Variants in ADAMTS7 observed in about 807,000 individuals in gnomAD.
ADAMTS7 encodes the protein A disintegrin and metalloproteinase with thrombospondin motifs 7.
In ADAMTS7, 89 loss-of-function variants were observed where a neutral mutation model predicts 172.6. The ratio of observed to expected loss-of-function variants is 0.52; its 90% CI spans 0.43 to 0.61. The LOEUF is 0.61. Among genes scored for constraint, ADAMTS7 ranks in the 20% least tolerant of loss-of-function variants. The pLI, the probability that ADAMTS7 is intolerant of heterozygous loss-of-function variation, is 0.00. For missense variants in ADAMTS7, 1,973 were observed against 2,355.6 expected, an observed-to-expected ratio of 0.84 and a Z score of 3.36; for synonymous variants, 885 against 978.4, an observed-to-expected ratio of 0.90 and a Z score of 1.78.
At position 78,796,699 on chromosome 15, in the gene ADAMTS7, G is replaced by C. The variant is rs373605289; in HGVS notation, c.710C>G (p.Ser237Trp). 5 of 1,613,598 alleles carry C rather than the reference G, an allele frequency of 3.1e-6. No individual in the cohort carries two copies. The highest frequency in any genetic ancestry group is 2.7e-5 in the African/African-American group (2 of 74,930). Residue 237 changes from serine (S) to tryptophan (W), a missense_variant, in exon 4 of 24, where the codon TCG (serine) becomes TGG (tryptophan). Around this residue, in one of 8 missense-constraint regions of ADAMTS7, gnomAD observed 526 missense variants for 662.9 expected, o/e 0.79. Transcript: ENST00000388820. ...RPRLRRLHQR[S>W]VSKEKWVETL... Reference sequence around the variant, plus strand: ...CTCCACCCACTTCTCTTTGCTGACCGACCGCTGGTGTAGACGCCTCAGCCG... The same window carrying C: ...CTCCACCCACTTCTCTTTGCTGACCCACCGCTGGTGTAGACGCCTCAGCCG...
intron 1 of ADAMTS7, among the ~76,000 whole-genome samples, chr15:78,801,551 T>C (rs2055725954): frequency 6.6e-6 from 1 of 152,200 alleles, no homozygotes; most frequent in South Asian, 2.1e-4. Flanking sequence ...CCCCCTTCCT[T>C]GCTTTATTTT....
chr15:78,777,386 C>G, intron 9 of ADAMTS7, 58 bp downstream of exon 9: 1 of 1,567,188 alleles, frequency 6.4e-7, no homozygotes, highest in Non-Finnish European at 8.6e-7. Flanking sequence ...GTGAGAGCTG[C>G]CCCCTGAGCC....
At position 78,811,298 on chromosome 15, in the gene ADAMTS7, G is replaced by C; in HGVS notation, c.-78C>G. 1.6e-6 allele frequency: 2 copies of C among 1,217,270 alleles called. No individual in the cohort carries two copies. Among genetic ancestry groups the C allele is most frequent in the Non-Finnish European group, 2.0e-6 (2 of 978,606 alleles). The allele number at this position is 1,217,270 out of a possible 1,614,324, so 75.4% of individuals were successfully genotyped here. On this transcript the variant is annotated 5_prime_UTR_variant, in exon 1 of 24. Transcript: ENST00000388820. Reference sequence around the variant, plus strand: ...CCGTCCGGTCGCTGCCTGGTCCCAGGTCCGGCTCAGGACATGCCCGGCCGG... The same window carrying C: ...CCGTCCGGTCGCTGCCTGGTCCCAGCTCCGGCTCAGGACATGCCCGGCCGG...
In ADAMTS7 at chr15:78,763,574, G is replaced by A. The variant is rs571588072; in HGVS notation, c.4740+125C>T. On this transcript the variant is annotated intron_variant, in intron 22 of 23. Transcript: ENST00000388820. ...GTGAGCACCAGCCGGGCGGGGCCTC[G>A]TCCAGTGACAGGGCCACAAAGAGCC... is the stretch of plus-strand genomic sequence containing the variant. 1.2e-4 allele frequency: 159 copies of A among 1,293,996 alleles called. No homozygotes were observed. The African/African-American group carries it at 2.0e-3, about 16-fold the overall frequency. 80.2% of individuals were successfully genotyped at this position (1,293,996 alleles called of 1,614,324 possible). A position where few individuals can be genotyped will look rare whatever the true frequency, so the allele number is the denominator to read the frequency against.
chr15:78,805,170 A>C (rs1466254626), intron 1 of ADAMTS7, among the ~76,000 whole-genome samples: 1 of 152,220 alleles, frequency 6.6e-6, no homozygotes, highest in Non-Finnish European at 1.5e-5. Flanking sequence ...AAGCCACCGG[A>C]CTGGATGATT....
At position 78,763,933 on chromosome 15, in the gene ADAMTS7, C is replaced by T. The variant is rs2055093416; in HGVS notation, c.4586G>A (p.Trp1529Ter). ...TCAACGGCCAGGCCTCACCTCCCTC[C>T]AGGAAGATGTGTACCAGCTGAGGCA... ...QPCLSWYTSS[W>*]RECSEACGGG... The change falls in exon 21 of 24, where the codon TGG becomes TAG. Residue 1529 changes from tryptophan (W) to a stop codon, truncating the protein, a stop_gained. Coordinates refer to ENST00000388820, the MANE Select transcript of ADAMTS7 (RefSeq NM_014272.5). LOFTEE classifies it high-confidence loss of function. 6.5e-7 allele frequency: 1 copy of T among 1,548,488 alleles called. No individual in the cohort carries two copies. The highest frequency in any genetic ancestry group is 1.4e-5 in the African/African-American group (1 of 74,030).
chr15:78,779,432 C>A lies in ADAMTS7; in HGVS notation c.1323-1844G>T, dbSNP rs188570668. Among the ~76,000 whole-genome samples, 301 of 152,290 alleles carry A rather than the reference C, an allele frequency of 2.0e-3. 1 individual carries two copies. Among genetic ancestry groups the A allele is most frequent in the African/African-American group, 6.7e-3 (280 of 41,562 alleles). On this transcript the variant is annotated intron_variant, in intron 8 of 23. Coordinates refer to ENST00000388820, the MANE Select transcript of ADAMTS7 (RefSeq NM_014272.5). Reference sequence around the variant, plus strand: ...TGGAGCCAGGCCCAGGCTGCCTGCACCAGGCTGTGTCTACTCACTGGGCTA... The same window carrying A: ...TGGAGCCAGGCCCAGGCTGCCTGCAACAGGCTGTGTCTACTCACTGGGCTA...
intron 1 of ADAMTS7, among the ~76,000 whole-genome samples, chr15:78,804,021 T>C (rs1459927798): frequency 6.6e-6 from 1 of 152,196 alleles, no homozygotes; most frequent in Non-Finnish European, 1.5e-5. Flanking sequence ...TTAGGACACC[T>C]GCAGTAAGGT....
rs143128314 is a variant in ADAMTS7 at position 78,766,180 on chromosome 15, G to C, written c.3731C>G (p.Ser1244Cys). Reference sequence around the variant, plus strand: ...AGAGGAGTGGGTGCTGCCAACAGGGGACAAAGGGGGCAGCGTGGAGCTGGG... The same window carrying C: ...AGAGGAGTGGGTGCTGCCAACAGGGCACAAAGGGGGCAGCGTGGAGCTGGG... The part of the protein sequence containing the change: ...PRPSSTLPPL[S>C]PVGSTHSSPS... The change falls in exon 19 of 24, where the codon TCC becomes TGC. Residue 1244 changes from serine to cysteine, a missense_variant. By Grantham distance (112) the Ser-to-Cys change is moderately radical. This residue lies in a region of ADAMTS7 where 771 missense variants were observed against 952.6 expected (regional missense o/e 0.81). Transcript: ENST00000388820. 3.4e-5 allele frequency: 54 copies of C among 1,611,588 alleles called. No individual in the cohort carries two copies. The African/African-American group carries it at 4.4e-4, about 13-fold the overall frequency.
At position 78,774,799 on chromosome 15, in the gene ADAMTS7, G is replaced by A. The variant is rs769737091; in HGVS notation, c.1707-6C>T. ...ATCTGCCTTTGTATTTGGGCCTGTG[G>A]GGAGAACCGGGGTGGGCCCCAGTGA... On this transcript the variant is annotated splice_region_variant and splice_polypyrimidine_tract_variant and intron_variant, in intron 11 of 23. Transcript: ENST00000388820. The A allele has an allele frequency of 1.3e-6, 2 of 1,583,554 alleles. No individual in the cohort carries two copies. The highest frequency in any genetic ancestry group is 1.7e-6 in the Non-Finnish European group (2 of 1,161,852).
At chr15:78,809,810 C>T (rs1438578707) in intron 1 of ADAMTS7, among the ~76,000 whole-genome samples, 23 of 152,208 alleles carry the variant, frequency 1.5e-4, no homozygotes, top group Admixed American at 1.5e-3. Context: ...CCACAGGTCG[C>T]TCTACTCTGA....
intron 8 of ADAMTS7, among the ~76,000 whole-genome samples, chr15:78,781,399 GAA>G (rs2055426415): frequency 6.6e-6 from 1 of 152,154 alleles, no homozygotes; most frequent in Admixed American, 6.5e-5. Context: ...ATGCAAAGGT[GAA>G]AGTGTGAAAG....
At chr15:78,768,729 C>A (rs1567210105) in intron 16 of ADAMTS7, among the ~76,000 whole-genome samples, 1 of 152,234 alleles carries the variant, frequency 6.6e-6, no homozygotes, top group Non-Finnish European at 1.5e-5. Context: ...AGCATGCAAA[C>A]CCAGCCATGG....
intron 23 of ADAMTS7, among the ~76,000 whole-genome samples, chr15:78,761,480 A>G (rs940089921): frequency 2.6e-5 from 4 of 152,142 alleles, no homozygotes; most frequent in Non-Finnish European, 5.9e-5. Flanking sequence ...GGGGAGGGGA[A>G]AAAGCCACCT....
chr15:78,762,631 T>C (rs1454701780), intron 22 of ADAMTS7, 66 bp from the exon 23 acceptor site: 60 of 1,195,552 alleles, frequency 5.0e-5, no homozygotes, highest in Non-Finnish European at 6.5e-5. Context: ...CAGGGACACC[T>C]CCTCTGGGAA....
chr15:78,771,738 G>A lies in ADAMTS7; in HGVS notation c.2223C>T (p.Ser741=), dbSNP rs11635931. Residue 741 remains serine, a synonymous_variant, in exon 15 of 24, where the codon AGC becomes AGT. Coordinates refer to ENST00000388820, the MANE Select transcript of ADAMTS7 (RefSeq NM_014272.5). This position sits in a 1 kb window ranked among gnomAD's most constrained non-coding sequence, Gnocchi z 4.9. ...TGAGGAAGTACTTCTCCGGGTCCTC[G>A]CTCCGCAGTGCCAGGAAGTTGGCAG... ...AEAANFLALR[S]EDPEKYFLNG... 0.38 allele frequency: 604,117 copies of A among 1,610,710 alleles called. 122,348 individuals are homozygous for A. Among genetic ancestry groups the A allele is most frequent in the Non-Finnish European group, 0.42 (501,365 of 1,179,838 alleles).
intron 1 of ADAMTS7, 42 bp from the exon 2 acceptor site, chr15:78,800,589 C>A: frequency 6.5e-7 from 1 of 1,549,108 alleles, no homozygotes; most frequent in Non-Finnish European, 8.7e-7. Flanking sequence ...CAGGGCAGAC[C>A]CGGGTCCTTG....
rs183456804 is a variant in ADAMTS7 at position 78,761,029 on chromosome 15, C to T, written c.4903+1374G>A. ...CAGCCCTAGCCATAAAGGTGAGAGA[C>T]GTGGTGCCAGCACCCAGCTCAGGTA... On this transcript the variant is annotated intron_variant, in intron 23 of 23. Coordinates refer to ENST00000388820, the MANE Select transcript of ADAMTS7 (RefSeq NM_014272.5). 9.8e-3 allele frequency among the ~76,000 whole-genome samples: 1,486 copies of T among 152,268 alleles called. 14 individuals are homozygous for T. The highest frequency in any genetic ancestry group is 0.016 in the Non-Finnish European group (1,072 of 68,010).
At chr15:78,776,063 G>C (rs1452364656) in intron 11 of ADAMTS7, 125 bp downstream of exon 11, 1 of 1,315,664 alleles carries the variant, frequency 7.6e-7, no homozygotes, top group Admixed American at 2.9e-5. Flanking sequence ...CTGGACACTC[G>C]GACTGACCAT....
Sources: allele counts gnomAD v4.1 joint callset (sites outside exome capture counted in the v4.1 genomes callset), GRCh38; gene constraint gnomAD v4.1.1; regional missense constraint gnomAD v4.1.1; non-coding constraint Gnocchi (gnomAD v3.1); transcripts MANE v1.5; gene names NCBI Gene and HGNC (gene_info 2026-07-23, HGNC 2026-07-21).